LRRC7: variants seen among roughly 807,000 people sequenced by gnomAD.
The protein encoded by LRRC7 is leucine rich repeat containing 7.
In LRRC7, 23 loss-of-function variants were observed where a neutral mutation model predicts 175.7. That is an observed-to-expected ratio of 0.13 (90% CI 0.09 to 0.19). The LOEUF (loss-of-function observed/expected upper bound fraction) is 0.19. Ranked by LOEUF, LRRC7 falls within the 10% of genes least tolerant of loss-of-function variation. LRRC7 has a pLI of 1.00. For missense variants in LRRC7, 1,354 were observed against 1,904.7 expected (o/e 0.71, Z 5.38); for synonymous variants, 685 against 680.9 (o/e 1.01, Z -0.09).
rs180997973 is a variant in LRRC7 at position 70,062,920 on chromosome 1, A to G, written c.4230+9775A>G. On this transcript the variant is annotated intron_variant, in intron 23 of 26. Transcript: ENST00000651989. ...TTGTGAAAATGTGAATGGAAAAAAA[A>G]TCTCTAACCTAAAGCAAAAATGACA... Among the ~76,000 whole-genome samples, 315 of 152,078 alleles carry G rather than the reference A, an allele frequency of 2.1e-3. 1 individual carries two copies. The highest frequency in any genetic ancestry group is 7.2e-3 in the African/African-American group (298 of 41,460).
At chr1:69,976,914 A>G (rs546046123) in intron 8 of LRRC7, among the ~76,000 whole-genome samples, 1 of 152,292 alleles carries the variant, frequency 6.6e-6, no homozygotes, top group South Asian at 2.1e-4. Flanking sequence ...TTGTATCTCC[A>G]GCTAAAACCT....
At chr1:69,610,080 C>T (rs1254171733) in intron 1 of LRRC7, among the ~76,000 whole-genome samples, 1 of 151,938 alleles carries the variant, frequency 6.6e-6, no homozygotes, top group Non-Finnish European at 1.5e-5. Flanking sequence ...ATAATTTCAC[C>T]AACAAGTGTT....
chr1:70,078,922 A>G (rs540977067), intron 24 of LRRC7, among the ~76,000 whole-genome samples: 99 of 152,196 alleles, frequency 6.5e-4, no homozygotes, highest in African/African-American at 2.4e-3. Flanking sequence ...TAAGAATTCA[A>G]ATATTTGAAG....
chr1:70,000,893 G>C (rs1655459021), intron 11 of LRRC7, among the ~76,000 whole-genome samples: 1 of 152,120 alleles, frequency 6.6e-6, no homozygotes, highest in South Asian at 2.1e-4. Context: ...GAATAACAAG[G>C]CTATAGATTT....
intron 7 of LRRC7, chr1:69,919,760 T>C: frequency 1.0e-6 from 1 of 960,368 alleles, no homozygotes; most frequent in Non-Finnish European, 1.7e-6. Context: ...TGAAGACCCC[T>C]GGTTTGCGCG....
Position 69,623,279 on chromosome 1 carries a change from GT to G in LRRC7, c.2+54642del, listed in dbSNP as rs1238885040. Among the ~76,000 whole-genome samples the G allele has an allele frequency of 9.9e-5, 15 of 152,242 alleles. No homozygotes were observed. In the East Asian group the frequency reaches 2.9e-3, roughly 29 times the overall value. On this transcript the variant is annotated intron_variant, in intron 1 of 26. Transcript: ENST00000651989. ...AAATCAATACCTTTGGGGTTATGGA[GT>G]TTTAAATGGTACTTTAAGACACAAG...
chr1:69,731,882 G>C (rs1667617161), intron 2 of LRRC7, among the ~76,000 whole-genome samples: 1 of 152,142 alleles, frequency 6.6e-6, no homozygotes, highest in Non-Finnish European at 1.5e-5. Context: ...TTATTAGTGA[G>C]AAGTTATCTG....
intron 2 of LRRC7, among the ~76,000 whole-genome samples, chr1:69,706,667 A>C (rs1456129556): frequency 6.6e-6 from 1 of 152,192 alleles, no homozygotes; most frequent in East Asian, 1.9e-4. Flanking sequence ...AGATTTAATG[A>C]TGCAGGAAAT....
intron 1 of LRRC7, among the ~76,000 whole-genome samples, chr1:69,578,014 A>G (rs1333653493): frequency 6.6e-6 from 1 of 152,142 alleles, no homozygotes; most frequent in African/African-American, 2.4e-5. Context: ...ACCCTACAAA[A>G]TGGGAGAAAA....
chr1:69,654,778 TTAA>T (rs1481518551), intron 1 of LRRC7, among the ~76,000 whole-genome samples: 4 of 152,138 alleles, frequency 2.6e-5, no homozygotes, highest in Non-Finnish European at 5.9e-5. Context: ...TTGAGACAAG[TTAA>T]TAATGAATAT....
chr1:70,118,270 A>G (rs1665991329), intron 26 of LRRC7, among the ~76,000 whole-genome samples: 2 of 151,902 alleles, frequency 1.3e-5, no homozygotes, highest in South Asian at 4.2e-4. Flanking sequence ...ATGTCAATTC[A>G]TTTTGCTCTT....
intron 10 of LRRC7, among the ~76,000 whole-genome samples, chr1:69,992,582 A>G (rs1654543102): frequency 6.6e-6 from 1 of 152,174 alleles, no homozygotes; most frequent in African/African-American, 2.4e-5. Flanking sequence ...AATTCTACAG[A>G]AGCTCCAGAC....
intron 5 of LRRC7, among the ~76,000 whole-genome samples, chr1:69,833,060 G>A (rs1050462193): frequency 6.7e-6 from 1 of 148,812 alleles, no homozygotes; most frequent in Non-Finnish European, 1.5e-5. Flanking sequence ...AGCCGAGATT[G>A]CACCATTGCA....
intron 1 of LRRC7, among the ~76,000 whole-genome samples, chr1:69,628,695 AGAT>A (rs1326700066): frequency 6.6e-6 from 1 of 152,184 alleles, no homozygotes; most frequent in African/African-American, 2.4e-5. Flanking sequence ...AACCAAGTCC[AGAT>A]GATGAAAGTA....
chr1:70,032,926 T>C (rs1247655970), intron 18 of LRRC7, among the ~76,000 whole-genome samples: 1 of 152,184 alleles, frequency 6.6e-6, no homozygotes, highest in Non-Finnish European at 1.5e-5. Context: ...GTACTTACAA[T>C]GGAATCCCCA....
intron 7 of LRRC7, among the ~76,000 whole-genome samples, chr1:69,878,923 G>A (rs1348873755): frequency 6.8e-6 from 1 of 147,274 alleles, no homozygotes; most frequent in East Asian, 2.0e-4. Context: ...TTATATATAT[G>A]GTGTACATTT....
chr1:70,095,394 AT>A (rs1470392631), intron 25 of LRRC7, among the ~76,000 whole-genome samples: 8 of 152,218 alleles, frequency 5.3e-5, no homozygotes, highest in African/African-American at 1.4e-4. Flanking sequence ...GTTTGAAGAC[AT>A]TAAAAGTGAG....
At chr1:69,993,808 G>A (rs761220373) in intron 10 of LRRC7, among the ~76,000 whole-genome samples, 6 of 152,098 alleles carry the variant, frequency 3.9e-5, no homozygotes, top group Non-Finnish European at 7.4e-5. Context: ...GACTATTTAA[G>A]CCATATCAAT....
At chr1:69,734,113 T>C (rs1667860670) in intron 2 of LRRC7, among the ~76,000 whole-genome samples, 1 of 131,346 alleles carries the variant, frequency 7.6e-6, no homozygotes. Context: ...TATTTAACTT[T>C]TTTTGTTTTA....
Sources: allele counts gnomAD v4.1 joint callset (sites outside exome capture counted in the v4.1 genomes callset), GRCh38; gene constraint gnomAD v4.1.1; transcripts MANE v1.5; gene names NCBI Gene and HGNC (gene_info 2026-07-23, HGNC 2026-07-21).